Variants in CNTLN observed in about 807,000 individuals in gnomAD.
The protein encoded by CNTLN is centlein, also known as centlein, centrosomal protein.
Under a neutral mutation model 180.0 loss-of-function variants are expected in CNTLN, and 212 were observed. That is an observed-to-expected ratio of 1.18 (90% confidence interval 1.05 to 1.32). CNTLN has a LOEUF of 1.32. Ranked by LOEUF, CNTLN falls within the 40% of genes most tolerant of loss-of-function variation. CNTLN has a pLI of 0.00. For missense variants in CNTLN, 2,095 were observed against 1,610.9 expected (o/e 1.30, Z -5.14); for synonymous variants, 722 against 563.1 (o/e 1.28, Z -3.99).
chr9:17,398,897 T>G (rs959485712), intron 15 of CNTLN, among the ~76,000 whole-genome samples: 1 of 152,184 alleles, frequency 6.6e-6, no homozygotes, highest in Admixed American at 6.5e-5. Flanking sequence ...AAGCAGTACA[T>G]ACATTTACCA....
chr9:17,514,987 G>A, the CNTLN span, among the ~76,000 whole-genome samples: 4 of 152,162 alleles, frequency 2.6e-5, no homozygotes, highest in African/African-American at 9.7e-5. Context: ...AATTACCACA[G>A]GGCTACCATG....
intron 2 of CNTLN, among the ~76,000 whole-genome samples, chr9:17,148,569 T>C (rs1818617758): frequency 6.6e-6 from 1 of 152,216 alleles, no homozygotes; most frequent in Admixed American, 6.5e-5. Flanking sequence ...TTAGGAACAC[T>C]AGCCAGCACT....
chr9:17,447,165 C>G, intron 18 of CNTLN: 1 of 218,246 alleles, frequency 4.6e-6, no homozygotes. Flanking sequence ...CTTATCCCAG[C>G]TCAAAACTAG....
At chr9:17,294,474 A>T (rs933029235) in intron 6 of CNTLN, among the ~76,000 whole-genome samples, 1 of 151,204 alleles carries the variant, frequency 6.6e-6, no homozygotes, top group Non-Finnish European at 1.5e-5. Context: ...GCATCCACAA[A>T]CCCTGAGGTA....
chr9:17,311,784 G>A lies in CNTLN; in HGVS notation c.1341+2532G>A, dbSNP rs191282953. On this transcript the variant is annotated intron_variant, in intron 8 of 25. Coordinates refer to ENST00000380647, the MANE Select transcript of CNTLN (RefSeq NM_017738.4). ...AGATTGCGCCACTGCTCTCCAGCCTGGCAACAGAGAGACTCCATATCAAGA... is the reference window on the plus strand; with the variant it reads ...AGATTGCGCCACTGCTCTCCAGCCTAGCAACAGAGAGACTCCATATCAAGA... 5.2e-3 allele frequency among the ~76,000 whole-genome samples: 792 copies of A among 151,996 alleles called. 5 individuals carry two copies. Among genetic ancestry groups the A allele is most frequent in the Admixed American group, 8.1e-3 (124 of 15,280 alleles).
At chr9:17,429,652 A>T (rs1829299383) in intron 18 of CNTLN, among the ~76,000 whole-genome samples, 3 of 152,088 alleles carry the variant, frequency 2.0e-5, no homozygotes, top group Admixed American at 2.0e-4. Flanking sequence ...TATGCAGGAA[A>T]AAAAGAGACC....
chr9:17,394,589 A>T lies in CNTLN; in HGVS notation c.2135A>T (p.Lys712Ile), dbSNP rs759403982. The T allele has an allele frequency of 1.3e-6, 2 of 1,595,196 alleles. No individual in the cohort carries two copies. The highest frequency in any genetic ancestry group is 2.7e-5 in the African/African-American group (2 of 73,368). ...TTTGAGAAAAGGTCGAGAAAATTAA[A>T]AGAAGGGAATAAAAAATTAATGAAA... ...KSFEKRSRKL[K>I]EGNKKLMKEN... The change falls in exon 15 of 26, where the codon AAA becomes ATA. Residue 712 changes from lysine to isoleucine, a missense_variant. Physicochemically the swap from Lys to Ile is moderately radical, Grantham distance 102 (BLOSUM62 -3). Coordinates refer to ENST00000380647, the MANE Select transcript of CNTLN (RefSeq NM_017738.4).
chr9:17,485,768 A>G (rs1345022913), intron 24 of CNTLN, among the ~76,000 whole-genome samples: 1 of 152,152 alleles, frequency 6.6e-6, no homozygotes, highest in African/African-American at 2.4e-5. Context: ...TGGAACACAG[A>G]GCCACCATGT....
chr9:17,433,731 C>A lies in CNTLN; in HGVS notation c.3114+17542C>A, dbSNP rs1829575552. ...TAACCTCAAACTGCTGGGTGTGTGTCACCATGCCCAACTATTTTAAAAAAT... is the reference window on the plus strand; with the variant it reads ...TAACCTCAAACTGCTGGGTGTGTGTAACCATGCCCAACTATTTTAAAAAAT... On this transcript the variant is annotated intron_variant, in intron 18 of 25. Coordinates refer to ENST00000380647, the MANE Select transcript of CNTLN (RefSeq NM_017738.4). Among the ~76,000 whole-genome samples the A allele has an allele frequency of 5.9e-5, 9 of 151,946 alleles. No homozygotes were observed. In the South Asian group the frequency reaches 1.9e-3, roughly 32 times the overall value.
chr9:17,226,925 T>A (rs193023342), intron 3 of CNTLN, among the ~76,000 whole-genome samples: 1,685 of 151,450 alleles, frequency 0.011, 34 homozygotes, highest in African/African-American at 0.038. Flanking sequence ...TTAATTTTTT[T>A]AATTTTTATA....
At chr9:17,515,262 TC>T in the CNTLN span, among the ~76,000 whole-genome samples, 2 of 152,284 alleles carry the variant, frequency 1.3e-5, no homozygotes, top group African/African-American at 4.8e-5. Flanking sequence ...CATTGGCTAC[TC>T]CTTCTCAGCC....
At chr9:17,310,428 A>G (rs10756861) in intron 8 of CNTLN, among the ~76,000 whole-genome samples, 117,775 of 152,110 alleles carry the variant, frequency 0.77, 46,777 homozygotes, top group Non-Finnish European at 0.86. Context: ...GTTTAAAAAC[A>G]TTCTATTATA....
intron 7 of CNTLN, chr9:17,300,786 C>T (rs907867438): frequency 1.8e-5 from 3 of 167,530 alleles, no homozygotes; most frequent in African/African-American, 4.8e-5. Flanking sequence ...CTCATCTTTG[C>T]CTTCTTTTCT....
chr9:17,270,657 T>G (rs567767644), intron 5 of CNTLN, among the ~76,000 whole-genome samples: 3 of 152,250 alleles, frequency 2.0e-5, no homozygotes, highest in African/African-American at 7.2e-5. Flanking sequence ...TCTCACAAGA[T>G]GGGGGTTATT....
chr9:17,474,641 G>T (rs1046629818), intron 23 of CNTLN, among the ~76,000 whole-genome samples: 1 of 152,108 alleles, frequency 6.6e-6, no homozygotes, highest in Non-Finnish European at 1.5e-5. Flanking sequence ...GGCCGAGGTG[G>T]GTGGATCACT....
At position 17,170,754 on chromosome 9, in the gene CNTLN, TC is replaced by T. The variant is rs539812755; in HGVS notation, c.449+27380del. On this transcript the variant is annotated intron_variant, in intron 2 of 25. Transcript: ENST00000380647. ...GTGTTCTCTTGTAGCTCGGTGGGCT[TC>T]CTTGAAACAATTAGACTCATTTTCC... is the stretch of plus-strand genomic sequence containing the variant. 3.9e-4 allele frequency among the ~76,000 whole-genome samples: 59 copies of T among 152,038 alleles called. 1 individual carries two copies. In the East Asian group the frequency reaches 0.011, roughly 28 times the overall value.
intron 9 of CNTLN, 57 bp downstream of exon 9, chr9:17,330,865 A>T: frequency 6.8e-7 from 1 of 1,481,008 alleles, no homozygotes; most frequent in Non-Finnish European, 9.1e-7. Flanking sequence ...AAGACAAGAG[A>T]TGAAGTTAAA....
chr9:17,522,414 A>G, the CNTLN span, among the ~76,000 whole-genome samples: 5 of 152,202 alleles, frequency 3.3e-5, no homozygotes, highest in East Asian at 9.6e-4. Context: ...CCTGGAAATT[A>G]AACCTCAGGA....
At chr9:17,528,439 A>G in the CNTLN span, among the ~76,000 whole-genome samples, 4 of 152,212 alleles carry the variant, frequency 2.6e-5, no homozygotes. Context: ...GCATCCTACA[A>G]AATACTCGAC....
Sources: allele counts gnomAD v4.1 joint callset (sites outside exome capture counted in the v4.1 genomes callset), GRCh38; gene constraint gnomAD v4.1.1; transcripts MANE v1.5; gene names NCBI Gene and HGNC (gene_info 2026-07-23, HGNC 2026-07-21).